The following HACD3 variants were observed in gnomAD, a reference collection of about 807,000 sequenced individuals.
HACD3 encodes 3-hydroxyacyl-CoA dehydratase 3, also known as very-long-chain (3R)-3-hydroxyacyl-CoA dehydratase 3.
HACD3 carries 30 observed loss-of-function variants against 55.2 expected under a neutral mutation model. The observed-to-expected ratio is 0.54, with a 90% CI of 0.41 to 0.74. The LOEUF (loss-of-function observed/expected upper bound fraction) is 0.74. HACD3 is among the 30% of genes least tolerant of loss of function. The probability of loss-of-function intolerance (pLI) is 0.00; values close to 1 mark genes in which losing one functional copy is unlikely to be tolerated. For synonymous variants in HACD3, 141 were observed against 151.7 expected (o/e 0.93, Z 0.52); for missense variants, 363 against 440.1 (o/e 0.82, Z 1.57).
At position 65,576,509 on chromosome 15, in the gene HACD3, T is replaced by TC. The variant is rs930078932; in HGVS notation, c.*134dup. The TC allele has an allele frequency of 1.3e-4, 125 of 971,708 alleles. No individual in the cohort carries two copies. The African/African-American group carries it at 2.0e-3, about 16-fold the overall frequency. The allele number at this position is 971,708 out of a possible 1,614,324, so 60.2% of individuals were successfully genotyped here. A position where few individuals can be genotyped will look rare whatever the true frequency, so the allele number is the denominator to read the frequency against. On this transcript the variant is annotated 3_prime_UTR_variant, in exon 11 of 11. Coordinates refer to ENST00000261875, the MANE Select transcript of HACD3 (RefSeq NM_016395.4). ...ATTCTCAGTGAGGCTATCTTCCTTT[T>TC]CCCCAGTAACATTCCTGAATTTACT...
chr15:65,572,041 G>C (rs565479238), intron 9 of HACD3, among the ~76,000 whole-genome samples, 194 bp from the exon 10 acceptor site: 2 of 152,288 alleles, frequency 1.3e-5, no homozygotes, highest in East Asian at 3.8e-4. Context: ...CTGTCTCTCT[G>C]TTGACAGGTT....
At chr15:65,548,442 A>G (rs1233833178) in intron 1 of HACD3, among the ~76,000 whole-genome samples, 1 of 146,818 alleles carries the variant, frequency 6.8e-6, no homozygotes, top group Non-Finnish European at 1.5e-5. Context: ...AGCCTGGGAG[A>G]TGGAGGCTGC....
intron 1 of HACD3, among the ~76,000 whole-genome samples, chr15:65,542,847 G>A (rs1392454246): frequency 2.6e-5 from 4 of 151,926 alleles, no homozygotes. Flanking sequence ...AGGCTGAGGC[G>A]GGCAGATGAC....
intron 7 of HACD3, chr15:65,564,631 T>G (rs2072274525): frequency 3.5e-6 from 1 of 289,528 alleles, no homozygotes; most frequent in African/African-American, 2.2e-5. Context: ...ACTTATTCAC[T>G]ATCCTGAGAA....
intron 1 of HACD3, among the ~76,000 whole-genome samples, chr15:65,538,056 G>C (rs2071981762): frequency 6.8e-6 from 1 of 147,606 alleles, no homozygotes; most frequent in African/African-American, 2.5e-5. Flanking sequence ...TCCCACCCAA[G>C]AGTGCTGATG....
At chr15:65,531,171 C>G (rs981645988) in intron 1 of HACD3, 1 of 149,840 alleles carries the variant, frequency 6.7e-6, no homozygotes, top group African/African-American at 2.5e-5. Flanking sequence ...CCAGCCAGGC[C>G]CCTCGGACGT....
chr15:65,560,014 A>G (rs944774283), intron 5 of HACD3, among the ~76,000 whole-genome samples: 10 of 150,792 alleles, frequency 6.6e-5, no homozygotes, highest in Admixed American at 2.6e-4. Context: ...TAGAAGTCTG[A>G]CATTTTTTGG....
At chr15:65,561,298 C>G (rs1164759447) in intron 5 of HACD3, among the ~76,000 whole-genome samples, 1 of 152,054 alleles carries the variant, frequency 6.6e-6, no homozygotes, top group Non-Finnish European at 1.5e-5. Flanking sequence ...GAAACCCTGT[C>G]TCTGCTAAAA....
At chr15:65,551,191 G>GCT (rs747954654) in intron 1 of HACD3, 7 of 154,918 alleles carry the variant, frequency 4.5e-5, no homozygotes, top group Non-Finnish European at 5.7e-5. Context: ...TTCCTGTTGT[G>GCT]CTCTCTCTCT....
At chr15:65,571,469 C>A in intron 8 of HACD3, 79 bp from the exon 9 acceptor site, 5 of 1,003,402 alleles carry the variant, frequency 5.0e-6, no homozygotes, top group South Asian at 1.4e-5. Context: ...AAATAGAATT[C>A]TTCTATTTAA....
At chr15:65,551,336 G>A (rs2072130696) in intron 1 of HACD3, among the ~76,000 whole-genome samples, 1 of 152,158 alleles carries the variant, frequency 6.6e-6, no homozygotes, top group Admixed American at 6.5e-5. Flanking sequence ...TACAGCTCAG[G>A]GGTTGAGTCC....
intron 1 of HACD3, 72 bp downstream of exon 1, chr15:65,530,790 C>G: frequency 1.4e-6 from 2 of 1,385,488 alleles, no homozygotes; most frequent in Non-Finnish European, 1.9e-6. Flanking sequence ...CCCCTGCCCC[C>G]TTTGTCCGCG....
At chr15:65,539,531 T>G (rs565878252) in intron 1 of HACD3, among the ~76,000 whole-genome samples, 1 of 152,110 alleles carries the variant, frequency 6.6e-6, no homozygotes, top group Non-Finnish European at 1.5e-5. Flanking sequence ...GGACTTTTTT[T>G]ATACAGTTGG....
chr15:65,555,417 A>C (rs754329137), intron 3 of HACD3, among the ~76,000 whole-genome samples: 7 of 152,224 alleles, frequency 4.6e-5, no homozygotes, highest in Non-Finnish European at 1.0e-4. Context: ...GGGTGAAGGC[A>C]GCTGGCCTTC....
intron 1 of HACD3, chr15:65,535,749 G>C: frequency 1.7e-6 from 1 of 600,810 alleles, no homozygotes; most frequent in Non-Finnish European, 3.1e-6. Context: ...AGGTTGGAGT[G>C]CAGCAGTGTG....
At chr15:65,544,551 TA>T (rs1361780002) in intron 1 of HACD3, among the ~76,000 whole-genome samples, 1 of 152,180 alleles carries the variant, frequency 6.6e-6, no homozygotes, top group East Asian at 1.9e-4. Flanking sequence ...ATTTCTTTTT[TA>T]AAAATTTTTA....
intron 1 of HACD3, among the ~76,000 whole-genome samples, chr15:65,539,725 G>T (rs2072000763): frequency 6.6e-6 from 1 of 152,156 alleles, no homozygotes; most frequent in East Asian, 1.9e-4. Context: ...TCAGCTGGAA[G>T]AATGGATAAA....
intron 7 of HACD3, among the ~76,000 whole-genome samples, chr15:65,568,987 C>T (rs1255611657): frequency 6.6e-6 from 1 of 151,988 alleles, no homozygotes; most frequent in African/African-American, 2.4e-5. Context: ...GTGGCTCATG[C>T]CTGTAATCCC....
intron 1 of HACD3, 149 bp downstream of exon 1, chr15:65,530,867 G>A: frequency 2.8e-6 from 2 of 725,686 alleles, no homozygotes; most frequent in Non-Finnish European, 4.3e-6. Flanking sequence ...GCGTGCTGGC[G>A]CTTTTCGAGG....
Sources: allele counts gnomAD v4.1 joint callset (sites outside exome capture counted in the v4.1 genomes callset), GRCh38; gene constraint gnomAD v4.1.1; transcripts MANE v1.5; gene names NCBI Gene and HGNC (gene_info 2026-07-23, HGNC 2026-07-21).